WDR27: variants seen among roughly 807,000 people sequenced by gnomAD.
WDR27 encodes the protein WD repeat domain 27, also known as WD repeat-containing protein 27.
A neutral mutation model predicts 114.4 loss-of-function variants in WDR27; 100 were observed. The ratio of observed to expected loss-of-function variants is 0.87; its 90% confidence interval spans 0.74 to 1.03. The LOEUF (loss-of-function observed/expected upper bound fraction) is 1.03, where lower values mean the gene tolerates loss of function less well. Ranked by LOEUF, WDR27 falls within the 50% of genes least tolerant of loss-of-function variation. The pLI is 0.00. For missense variants in WDR27, 1,129 were observed against 1,092.9 expected (o/e 1.03, Z -0.47); for synonymous variants, 449 against 423.1 (o/e 1.06, Z -0.75).
chr6:169,682,287 C>T (rs903428756), intron 2 of WDR27, among the ~76,000 whole-genome samples: 6 of 152,330 alleles, frequency 3.9e-5, no homozygotes, highest in Admixed American at 1.3e-4. Context: ...AAACTATCCA[C>T]GGACTCCCAA....
At chr6:169,509,058 A>C (rs77542111) in intron 25 of WDR27, among the ~76,000 whole-genome samples, 3,197 of 152,286 alleles carry the variant, frequency 0.021, 68 homozygotes, top group East Asian at 0.081. Context: ...AATACCTAGG[A>C]ATCCAACTTA....
intron 1 of WDR27, 48 bp from the exon 2 acceptor site, chr6:169,689,060 T>C (rs1339619482): frequency 4.2e-6 from 6 of 1,415,098 alleles, no homozygotes; most frequent in Non-Finnish European, 5.7e-6. Context: ...TCATATTTAA[T>C]ACAGAAAAAA....
chr6:169,600,359 G>A (rs900001242), intron 23 of WDR27, among the ~76,000 whole-genome samples: 3 of 152,030 alleles, frequency 2.0e-5, no homozygotes, highest in African/African-American at 7.2e-5. Flanking sequence ...CCACAAAGAT[G>A]GGGAAAAAAC....
At chr6:169,509,012 G>A (rs552864377) in intron 25 of WDR27, among the ~76,000 whole-genome samples, 2 of 152,216 alleles carry the variant, frequency 1.3e-5, no homozygotes, top group South Asian at 2.1e-4. Context: ...CAAATCATGA[G>A]TGAACTCCCA....
At chr6:169,595,867 CA>C (rs1164842729) in intron 23 of WDR27, among the ~76,000 whole-genome samples, 4 of 147,092 alleles carry the variant, frequency 2.7e-5, no homozygotes, top group East Asian at 2.0e-4. Flanking sequence ...GTTTTATACT[CA>C]AAAAAAAATT....
intron 21 of WDR27, among the ~76,000 whole-genome samples, chr6:169,625,061 C>G (rs1295778233): frequency 6.6e-6 from 1 of 152,210 alleles, no homozygotes; most frequent in Non-Finnish European, 1.5e-5. Context: ...AGCTGCTTCT[C>G]TTATGTCACC....
At chr6:169,560,427 T>G (rs1799526803) in intron 25 of WDR27, among the ~76,000 whole-genome samples, 1 of 152,244 alleles carries the variant, frequency 6.6e-6, no homozygotes, top group South Asian at 2.1e-4. Flanking sequence ...ATTTTGTCTT[T>G]GGCTACAAAT....
At chr6:169,428,601 G>C in the WDR27 span, among the ~76,000 whole-genome samples, 1 of 146,274 alleles carries the variant, frequency 6.8e-6, no homozygotes, top group Admixed American at 6.8e-5. Context: ...GGACGGTGGC[G>C]GGGGGGAGGG....
rs145844522 is a variant in WDR27, at chr6:169,684,765, G to A, written c.189+4052C>T. Among the ~76,000 whole-genome samples the A allele has an allele frequency of 2.6e-3, 403 of 152,228 alleles. No individual in the cohort carries two copies. The highest frequency in any genetic ancestry group is 7.7e-3 in the African/African-American group (321 of 41,542). ...TGGGCCACCCCTAATGGGCATGCCC[G>A]CAGCCAGCTGAGCAGCCTTGTGCCT... On this transcript the variant is annotated intron_variant, in intron 2 of 25. Coordinates refer to ENST00000448612, the MANE Select transcript of WDR27 (RefSeq NM_182552.5). This position sits in a 1 kb window ranked among gnomAD's most constrained non-coding sequence, Gnocchi z 4.3.
At chr6:169,560,795 A>G (rs3006199) in intron 25 of WDR27, among the ~76,000 whole-genome samples, 71,084 of 152,090 alleles carry the variant, frequency 0.47, 20,435 homozygotes, top group Non-Finnish European at 0.65. Context: ...ATGCAGATAC[A>G]CACACGCCCC....
intron 15 of WDR27, among the ~76,000 whole-genome samples, chr6:169,648,164 G>A (rs34208388): frequency 8.5e-5 from 13 of 152,132 alleles, no homozygotes; most frequent in Non-Finnish European, 1.8e-4. Context: ...TGACGATTTG[G>A]GGGTGAGGGT....
rs749053028 is a variant in WDR27 at position 169,633,040 on chromosome 6, C to T, written c.2130G>A (p.Arg710=). Residue 710 remains arginine, a synonymous_variant, in exon 21 of 26, where the codon AGG becomes AGA. Transcript: ENST00000448612. Reference sequence around the variant, plus strand: ...CGTTGAGGTCAAACACTTCCACGGTCCTGTTCCGGCCAGCTGCGAGTACGA... The same window carrying T: ...CGTTGAGGTCAAACACTTCCACGGTTCTGTTCCGGCCAGCTGCGAGTACGA... ...SHIVLAAGRN[R]TVEVFDLNAG... 3 of 1,590,134 alleles carry T rather than the reference C, an allele frequency of 1.9e-6. No individual in the cohort carries two copies. Among genetic ancestry groups the T allele is most frequent in the South Asian group, 2.2e-5 (2 of 89,590 alleles).
chr6:169,635,336 GATCTC>G (rs537457375), intron 19 of WDR27, among the ~76,000 whole-genome samples: 108 of 152,306 alleles, frequency 7.1e-4, no homozygotes, highest in Non-Finnish European at 1.2e-3. Flanking sequence ...GGTGAGCCAA[GATCTC>G]ATCACTGCAC....
At chr6:169,462,669 G>A (rs1785065304) in intron 25 of WDR27, among the ~76,000 whole-genome samples, 1 of 152,030 alleles carries the variant, frequency 6.6e-6, no homozygotes, top group South Asian at 2.1e-4. Flanking sequence ...GATTCCACAA[G>A]AAAACAGACC....
chr6:169,584,865 A>T lies in WDR27; in HGVS notation c.2425-1931T>A, dbSNP rs1584397785. Among the ~76,000 whole-genome samples, 6 of 152,286 alleles carry T rather than the reference A, an allele frequency of 3.9e-5. No individual in the cohort carries two copies. The Middle Eastern group carries it at 0.02, about 518-fold the overall frequency. Reference sequence around the variant, plus strand: ...TTCCCAGTCCATAGGTTGCTTTTTCACTTAAGAAAAATAAAGTTGGAGGCA... The same window carrying T: ...TTCCCAGTCCATAGGTTGCTTTTTCTCTTAAGAAAAATAAAGTTGGAGGCA... On this transcript the variant is annotated intron_variant, in intron 23 of 25. Coordinates refer to ENST00000448612, the MANE Select transcript of WDR27 (RefSeq NM_182552.5).
intron 25 of WDR27, among the ~76,000 whole-genome samples, chr6:169,462,529 G>C (rs1785049776): frequency 6.7e-6 from 1 of 148,508 alleles, no homozygotes; most frequent in Non-Finnish European, 1.5e-5. Context: ...TCCTAGACTC[G>C]ATGGCTTTGC....
intron 25 of WDR27, among the ~76,000 whole-genome samples, chr6:169,473,674 C>T (rs112039512): frequency 0.013 from 1,989 of 151,700 alleles, 42 homozygotes; most frequent in African/African-American, 0.041. Flanking sequence ...AAAAAAAAAA[C>T]AGATTTGGGG....
intron 24 of WDR27, among the ~76,000 whole-genome samples, chr6:169,574,288 C>T (rs1313946727): frequency 2.6e-5 from 4 of 152,214 alleles, no homozygotes; most frequent in South Asian, 4.1e-4. Context: ...TCCTCTTCTT[C>T]CCAAAGACTC....
chr6:169,697,284 T>C (rs1022975732), intron 1 of WDR27, among the ~76,000 whole-genome samples: 1 of 152,132 alleles, frequency 6.6e-6, no homozygotes, highest in Non-Finnish European at 1.5e-5. Flanking sequence ...AGCCTTCTGT[T>C]ATGCCCAGAC....
Sources: allele counts gnomAD v4.1 joint callset (sites outside exome capture counted in the v4.1 genomes callset), GRCh38; gene constraint gnomAD v4.1.1; non-coding constraint Gnocchi (gnomAD v3.1); transcripts MANE v1.5; gene names NCBI Gene and HGNC (gene_info 2026-07-23, HGNC 2026-07-21).